ADIRF: variants seen among roughly 807,000 people sequenced by gnomAD.
ADIRF encodes adipogenesis regulatory factor, also known as adipogenesis factor rich in obesity.
ADIRF carries 9 observed loss-of-function variants against 7.8 expected under a neutral mutation model. That is an observed-to-expected ratio of 1.15 (90% CI 0.70 to 2.01). The LOEUF is 2.01. ADIRF is among the 30% of genes most tolerant of loss of function. The pLI, the probability that ADIRF is intolerant of heterozygous loss-of-function variation, is 0.00. For synonymous variants in ADIRF, 48 were observed against 39.9 expected, an observed-to-expected ratio of 1.20 and a Z score of -0.77; for missense variants, 106 against 98.1, an observed-to-expected ratio of 1.08 and a Z score of -0.34.
At position 86,968,799 on chromosome 10, in the gene ADIRF, A is replaced by G. The variant is rs558739966; in HGVS notation, c.61+194A>G. The stretch of plus-strand genomic sequence containing the variant: ...AGACAGATGGTGCCCGCAGGGAGGC[A>G]GCGGAACAGAGGCTCCGGAGGAGCC... On this transcript the variant is annotated intron_variant, in intron 1 of 2. Transcript: ENST00000372013. 9.0e-5 allele frequency: 53 copies of G among 587,254 alleles called. 1 individual carries two copies. In the Middle Eastern group the frequency reaches 1.8e-3, roughly 20 times the overall value. The allele number at this position is 587,254 out of a possible 1,614,324, so 36.4% of individuals were successfully genotyped here.
At chr10:86,970,314 C>T (rs773261274) in intron 2 of ADIRF, 52 bp downstream of exon 2, 63 of 1,504,108 alleles carry the variant, frequency 4.2e-5, no homozygotes, top group Middle Eastern at 3.4e-4. Flanking sequence ...TCCCACTCCC[C>T]GCCCCATCCC....
chr10:86,968,628 G>A (rs770060530), intron 1 of ADIRF, 23 bp downstream of exon 1: 2 of 1,608,236 alleles, frequency 1.2e-6, no homozygotes, highest in Non-Finnish European at 1.7e-6. Flanking sequence ...CGCGACCTAG[G>A]GCTCAGGCAG....
chr10:86,970,105 G>C, intron 1 of ADIRF, 95 bp from the exon 2 acceptor site: 3 of 1,227,068 alleles, frequency 2.4e-6, no homozygotes, highest in Non-Finnish European at 3.2e-6. Flanking sequence ...CTGTACCACC[G>C]AATACTCTGG....
Position 86,970,233 on chromosome 10 carries a change from T to C in ADIRF, c.95T>C (p.Val32Ala), listed in dbSNP as rs1844560684. The change falls in exon 2 of 3, where the codon GTG becomes GCG. Residue 32 changes from valine (V) to alanine (A), a missense_variant. By Grantham distance (64) the Val-to-Ala change is moderately conservative. Coordinates refer to ENST00000372013, the MANE Select transcript of ADIRF (RefSeq NM_006829.3). ...SAAGAAAQQV[V>A]DQATEAGQKA... is the part of the protein sequence containing the mutation. ...GCCGGAGCGGCAGCTCAGCAAGTGGTGGACCAGGCCACAGAGGCGGGGCAG... is the reference window on the plus strand; with the variant it reads ...GCCGGAGCGGCAGCTCAGCAAGTGGCGGACCAGGCCACAGAGGCGGGGCAG... 1 of 1,459,750 alleles carries C rather than the reference T, an allele frequency of 6.9e-7. No individual in the cohort carries two copies. The allele number at this position is 1,459,750 out of a possible 1,614,324, so 90.4% of individuals were successfully genotyped here.
intron 1 of ADIRF, chr10:86,969,449 CCTGA>C (rs1261260073): frequency 1.3e-5 from 2 of 152,274 alleles, no homozygotes; most frequent in Admixed American, 1.3e-4. Context: ...AGCACACTTG[CCTGA>C]CTAACCCTTT....
In ADIRF at chr10:86,968,621, G is replaced by A. The variant is rs759443267; in HGVS notation, c.61+16G>A. The A allele has an allele frequency of 6.2e-7, 1 of 1,610,576 alleles. No homozygotes were observed. The highest frequency in any genetic ancestry group is 1.7e-4 in the Middle Eastern group (1 of 6,052). ...CAGGAAGCCGGTGAGGATAGCGCGC[G>A]ACCTAGGGCTCAGGCAGGGGCACCT... On this transcript the variant is annotated intron_variant, in intron 1 of 2. Transcript: ENST00000372013.
rs373783757 is a variant in ADIRF at position 86,968,632 on chromosome 10, C to G, written c.61+27C>G. Reference sequence around the variant, plus strand: ...TGAGGATAGCGCGCGACCTAGGGCTCAGGCAGGGGCACCTGCGTGGATGCG... The same window carrying G: ...TGAGGATAGCGCGCGACCTAGGGCTGAGGCAGGGGCACCTGCGTGGATGCG... On this transcript the variant is annotated intron_variant, in intron 1 of 2. Coordinates refer to ENST00000372013, the MANE Select transcript of ADIRF (RefSeq NM_006829.3). 88 of 1,603,930 alleles carry G rather than the reference C, an allele frequency of 5.5e-5. No homozygotes were observed. In the African/African-American group the frequency reaches 1.1e-3, roughly 20 times the overall value.
intron 1 of ADIRF, 165 bp downstream of exon 1, chr10:86,968,770 G>T: frequency 1.4e-6 from 1 of 710,696 alleles, no homozygotes; most frequent in Non-Finnish European, 2.2e-6. Context: ...CCACCCCGGC[G>T]AGCAGACAGA....
chr10:86,969,587 C>A (rs1360882867), intron 1 of ADIRF: 1 of 152,258 alleles, frequency 6.6e-6, no homozygotes, highest in Non-Finnish European at 1.5e-5. Flanking sequence ...CCCAGCAGGC[C>A]GAAACTCTGG....
At chr10:86,968,887 C>T (rs1436122336) in intron 1 of ADIRF, 1 of 428,516 alleles carries the variant, frequency 2.3e-6, no homozygotes, top group South Asian at 3.2e-5. Context: ...CTGGGCGGCC[C>T]GCCCAGGCCC....
chr10:86,970,318 C>G, intron 2 of ADIRF, 56 bp downstream of exon 2: 2 of 1,508,676 alleles, frequency 1.3e-6, no homozygotes, highest in South Asian at 1.3e-5. Context: ...ACTCCCCGCC[C>G]CATCCCGGCT....
At chr10:86,968,698 G>T in intron 1 of ADIRF, 93 bp downstream of exon 1, 1 of 1,450,282 alleles carries the variant, frequency 6.9e-7, no homozygotes, top group South Asian at 1.3e-5. Context: ...CAAGTTCCTG[G>T]ACCGGCAGCT....
chr10:86,969,133 G>T (rs1360800443), intron 1 of ADIRF: 1 of 156,482 alleles, frequency 6.4e-6, no homozygotes, highest in Non-Finnish European at 1.4e-5. Flanking sequence ...TGCGGTGGGG[G>T]CGTGGGAGAT....
intron 1 of ADIRF, chr10:86,969,560 G>C (rs1013546350): frequency 6.6e-6 from 1 of 152,180 alleles, no homozygotes; most frequent in Admixed American, 6.5e-5. Context: ...AGCCCCCCCG[G>C]GGCTGGTGAC....
intron 1 of ADIRF, chr10:86,968,842 A>G (rs984717119): frequency 3.8e-5 from 19 of 499,122 alleles, no homozygotes; most frequent in Non-Finnish European, 6.2e-5. Flanking sequence ...CGCTGCGGGC[A>G]CTGCGGGAGC....
At chr10:86,968,650 T>C (rs1481459261) in intron 1 of ADIRF, 45 bp downstream of exon 1, 1 of 1,590,632 alleles carries the variant, frequency 6.3e-7, no homozygotes, top group Non-Finnish European at 8.5e-7. Flanking sequence ...GGCACCTGCG[T>C]GGATGCGCAG....
Position 86,968,618 on chromosome 10 carries a change from C to T in ADIRF, c.61+13C>T, listed in dbSNP as rs1327782672. ...GCCCAGGAAGCCGGTGAGGATAGCG[C>T]GCGACCTAGGGCTCAGGCAGGGGCA... On this transcript the variant is annotated intron_variant, in intron 1 of 2. Transcript: ENST00000372013. 6.2e-7 allele frequency: 1 copy of T among 1,612,412 alleles called. No homozygotes were observed. The highest frequency in any genetic ancestry group is 8.5e-7 in the Non-Finnish European group (1 of 1,179,512).
In ADIRF at chr10:86,970,504, G is replaced by A. The variant is rs1441920552; in HGVS notation, c.153G>A (p.Gln51=). ...TGGACCAGCTGGCCAAGACCACCCA[G>A]GAAACCATCGACAAGACTGCTAACC... The part of the protein sequence containing the change: ...KAMDQLAKTT[Q]ETIDKTANQA... The change falls in exon 3 of 3, where the codon CAG becomes CAA. Residue 51 remains glutamine, a synonymous_variant. Coordinates refer to ENST00000372013, the MANE Select transcript of ADIRF (RefSeq NM_006829.3). The A allele has an allele frequency of 6.2e-7, 1 of 1,613,588 alleles. No individual in the cohort carries two copies. The highest frequency in any genetic ancestry group is 1.7e-5 in the Admixed American group (1 of 59,966).
intron 1 of ADIRF, chr10:86,968,991 G>C (rs1286362938): frequency 9.2e-6 from 2 of 216,976 alleles, no homozygotes; most frequent in East Asian, 1.2e-4. Flanking sequence ...AGACCTCAAA[G>C]GGCTTTGTTT....
Sources: gnomAD v4.1 joint callset for allele counts on GRCh38, gnomAD v4.1.1 for gene constraint, MANE v1.5 for transcripts, NCBI Gene and HGNC (gene_info 2026-07-23, HGNC 2026-07-21) for gene names.